Variants in MST1R observed in about 807,000 individuals in gnomAD.
MST1R encodes macrophage-stimulating protein receptor.
Under a neutral mutation model 117.8 loss-of-function variants are expected in MST1R, and 99 were observed. The observed-to-expected ratio is 0.84, with a 90% CI of 0.71 to 0.99. The LOEUF (loss-of-function observed/expected upper bound fraction) is 0.99, where lower values mean the gene tolerates loss of function less well. MST1R is among the 50% of genes least tolerant of loss of function. MST1R has a pLI of 0.00. For missense variants in MST1R, 1,683 were observed against 1,840.2 expected, an observed-to-expected ratio of 0.91 and a Z score of 1.56; for synonymous variants, 734 against 765.3, an observed-to-expected ratio of 0.96 and a Z score of 0.68.
At chr3:49,897,977 G>C in intron 5 of MST1R, 74 bp downstream of exon 5, 1 of 1,601,950 alleles carries the variant, frequency 6.2e-7, no homozygotes, top group Non-Finnish European at 8.5e-7. Flanking sequence ...GATAAGCAGA[G>C]AACAGGGTCT....
chr3:49,897,011 T>C (rs761139071), intron 7 of MST1R, 121 bp from the exon 8 acceptor site: 2 of 1,266,936 alleles, frequency 1.6e-6, no homozygotes, highest in Non-Finnish European at 2.1e-6. Flanking sequence ...CCCCACTCCA[T>C]GGTCTGTCTG....
Position 49,902,950 on chromosome 3 carries a change from A to ATT in MST1R, c.659_660insAA (p.Leu221IlefsTer43), listed in dbSNP as rs758191251. On this transcript the variant is annotated frameshift_variant, in exon 1 of 20. Coordinates refer to ENST00000296474, the MANE Select transcript of MST1R (RefSeq NM_002447.4). LOFTEE classifies it high-confidence loss of function. ...CGAATCCCGAGGCGTCAGCCTTGAG[A>ATT]CGCCTGATAGACACTGAGCGTGGGC... 4.6e-5 allele frequency: 75 copies of ATT among 1,613,314 alleles called. No individual in the cohort carries two copies. The highest frequency in any genetic ancestry group is 4.6e-4 in the South Asian group (42 of 91,092).
chr3:49,889,637 C>T (rs1330214167), intron 19 of MST1R, among the ~76,000 whole-genome samples: 2 of 152,094 alleles, frequency 1.3e-5, no homozygotes, highest in Admixed American at 6.6e-5. Flanking sequence ...AAGCAGACCC[C>T]GTTAGTGGGA....
intron 4 of MST1R, 132 bp from the exon 5 acceptor site, chr3:49,898,343 G>T: frequency 1.4e-6 from 2 of 1,392,430 alleles, no homozygotes; most frequent in Non-Finnish European, 2.0e-6. Flanking sequence ...TTGCATTCAA[G>T]CACTTTCCTG....
chr3:49,894,514 G>A (rs1233628147), intron 14 of MST1R, among the ~76,000 whole-genome samples: 1 of 152,068 alleles, frequency 6.6e-6, no homozygotes, highest in Admixed American at 6.6e-5. Context: ...GCTGCAGTGA[G>A]CCATGATTGT....
Position 49,903,691 on chromosome 3 carries a change from G to C in MST1R, c.-82C>G. The C allele has an allele frequency of 6.7e-7, 1 of 1,494,090 alleles. No individual in the cohort carries two copies. The highest frequency in any genetic ancestry group is 1.3e-5 in the South Asian group (1 of 74,396). 92.6% of individuals were successfully genotyped at this position (1,494,090 alleles called of 1,614,324 possible). A position where few individuals can be genotyped will look rare whatever the true frequency, so the allele number is the denominator to read the frequency against. ...GGGCCTGGCTGGGGGCCCGACTCGAGGTCTGGACTGGGCCAAATTTAAGCA... is the reference window on the plus strand; with the variant it reads ...GGGCCTGGCTGGGGGCCCGACTCGACGTCTGGACTGGGCCAAATTTAAGCA... On this transcript the variant is annotated 5_prime_UTR_variant, in exon 1 of 20. Transcript: ENST00000296474.
At position 49,895,495 on chromosome 3, in the gene MST1R, T is replaced by C. The variant is rs753644086; in HGVS notation, c.3016A>G (p.Thr1006Ala). 6.2e-7 allele frequency: 1 copy of C among 1,614,072 alleles called. No individual in the cohort carries two copies. The highest frequency in any genetic ancestry group is 1.1e-5 in the South Asian group (1 of 91,076). Residue 1006 changes from threonine (T) to alanine (A), a missense_variant, in exon 13 of 20, where the codon ACA (threonine) becomes GCA (alanine). Transcript: ENST00000296474. ...CCCGAGTACAGAATAGGCAGGGGTG[T>C]GGCTCCAGCAGTCTGGTCCAGGGAT... ...LASLDQTAGA[T>A]PLPILYSGSD...
chr3:49,891,899 A>G (rs978791573), intron 14 of MST1R, 61 bp from the exon 15 acceptor site: 5 of 1,427,980 alleles, frequency 3.5e-6, no homozygotes, highest in Non-Finnish European at 4.9e-6. Flanking sequence ...CTCACACCAC[A>G]CATTCTCATT....
intron 5 of MST1R, 45 bp downstream of exon 5, chr3:49,898,006 T>C (rs1191817727): frequency 1.2e-6 from 2 of 1,611,530 alleles, no homozygotes; most frequent in Non-Finnish European, 1.7e-6. Context: ...AGGGGCTGCT[T>C]GGTTTCCCCC....
Position 49,887,287 on chromosome 3 carries a change from G to C in MST1R, c.*20C>G, listed in dbSNP as rs1181318590. On this transcript the variant is annotated 3_prime_UTR_variant, in exon 20 of 20. Transcript: ENST00000296474. The stretch of plus-strand genomic sequence containing the variant: ...GGGGTTAGCTCAAGGCAGCTAAGCA[G>C]GTCCAGCCCAAGAACTAAGTCAAGT... The C allele has an allele frequency of 1.2e-6, 2 of 1,613,072 alleles. No homozygotes were observed. Among genetic ancestry groups the C allele is most frequent in the Admixed American group, 1.7e-5 (1 of 60,024 alleles).
rs892602919 is a variant in MST1R, at chr3:49,898,395, C to A, written c.1719+123G>T. On this transcript the variant is annotated intron_variant, in intron 4 of 19. Coordinates refer to ENST00000296474, the MANE Select transcript of MST1R (RefSeq NM_002447.4). ...TGTGGCATCCCCTCTGACAAGAATG[C>A]CCTCCTTGTAGATATGAAGGACACC... 5 of 1,384,710 alleles carry A rather than the reference C, an allele frequency of 3.6e-6. No individual in the cohort carries two copies. In the East Asian group the frequency reaches 7.1e-5, roughly 20 times the overall value. 85.8% of individuals were successfully genotyped at this position (1,384,710 alleles called of 1,614,324 possible). A position where few individuals can be genotyped will look rare whatever the true frequency, so the allele number is the denominator to read the frequency against.
chr3:49,896,753 C>T lies in MST1R; in HGVS notation c.2321G>A (p.Ser774Asn). Residue 774 changes from serine (S) to asparagine (N), a missense_variant, in exon 8 of 20, where the codon AGC becomes AAC. Transcript: ENST00000296474. ...FQYREDPVVL[S>N]ISPNCGYINS... Reference sequence around the variant, plus strand: ...CATGTAGCCACAGTTGGGGCTGATGCTTAGCACGACAGGGTCTTCTCTGTA... The same window carrying T: ...CATGTAGCCACAGTTGGGGCTGATGTTTAGCACGACAGGGTCTTCTCTGTA... The T allele has an allele frequency of 6.3e-7, 1 of 1,586,016 alleles. No individual in the cohort carries two copies.
In MST1R at chr3:49,902,869, A is replaced by C; in HGVS notation, c.741T>G (p.Ile247Met). The C allele has an allele frequency of 6.2e-7, 1 of 1,613,608 alleles. No individual in the cohort carries two copies. Among genetic ancestry groups the C allele is most frequent in the South Asian group, 1.1e-5 (1 of 91,090 alleles). The change falls in exon 1 of 20, where the codon ATT becomes ATG. Residue 247 changes from isoleucine to methionine, a missense_variant. Transcript: ENST00000296474. ...VLPKHLVSYSIEYVHSFHTGA... is the reference protein window; with the variant it reads ...VLPKHLVSYSMEYVHSFHTGA... ...CCGTGTGGAAGCTGTGCACGTATTC[A>C]ATACTGTAGGAGACAAGATGCTTGG...
In MST1R at chr3:49,891,570, C is replaced by G; in HGVS notation, c.3363G>C (p.Glu1121Asp). The change falls in exon 16 of 20, where the codon GAG becomes GAC. Residue 1121 changes from glutamate to aspartate, a missense_variant. By Grantham distance (45) the Glu-to-Asp change is conservative. Coordinates refer to ENST00000296474, the MANE Select transcript of MST1R (RefSeq NM_002447.4). ...CAIKSLSRIT[E>D]MQQVEAFLRE... ...GCAGGAAGGCCTCCACCTGCTGCAT[C>G]TCTGTGATGCCTGCAGAGCAGCGCA... The G allele has an allele frequency of 6.2e-7, 1 of 1,613,880 alleles. No homozygotes were observed. The highest frequency in any genetic ancestry group is 8.5e-7 in the Non-Finnish European group (1 of 1,180,014).
chr3:49,901,922 C>CGTGGTG (rs948267520), intron 1 of MST1R, among the ~76,000 whole-genome samples: 10 of 44,864 alleles, frequency 2.2e-4, no homozygotes, highest in South Asian at 8.4e-4. Flanking sequence ...TGTATTTGTG[C>CGTGGTG]GTGGTGGTGG....
chr3:49,896,213 C>G lies in MST1R; in HGVS notation c.2631G>C (p.Glu877Asp). ...SANLVPLKPE[E>D]HAIKFEYIGL... ...CACTTACCTCAAACTTAATGGCATG[C>G]TCCTCAGGCTTCAGTGGAACTAGGT... Residue 877 changes from glutamate (E) to aspartate (D), a missense_variant, in exon 10 of 20, where the codon GAG becomes GAC. Physicochemically the swap from Glu to Asp is conservative, Grantham distance 45. Transcript: ENST00000296474. 6.2e-7 allele frequency: 1 copy of G among 1,614,194 alleles called. No individual in the cohort carries two copies. The highest frequency in any genetic ancestry group is 8.5e-7 in the Non-Finnish European group (1 of 1,180,028).
Position 49,898,517 on chromosome 3 carries a change from C to T in MST1R, c.1719+1G>A, listed in dbSNP as rs778110300. The T allele has an allele frequency of 1.9e-6, 3 of 1,613,296 alleles. No individual in the cohort carries two copies. Among genetic ancestry groups the T allele is most frequent in the Admixed American group, 1.7e-5 (1 of 59,958 alleles). On this transcript the variant is annotated splice_donor_variant, in intron 4 of 19. Transcript: ENST00000296474. LOFTEE classifies it high-confidence loss of function. ...CCTGTGCCCTGCCAGGGAAGCCATACCTCAGTAAGCTTAGGTGGGCAGTGG... is the reference window on the plus strand; with the variant it reads ...CCTGTGCCCTGCCAGGGAAGCCATATCTCAGTAAGCTTAGGTGGGCAGTGG...
At chr3:49,891,621 T>C (rs749267310) in intron 15 of MST1R, 41 bp from the exon 16 acceptor site, 2 of 1,611,694 alleles carry the variant, frequency 1.2e-6, no homozygotes, top group Non-Finnish European at 1.7e-6. Flanking sequence ...AGGGCGTCCC[T>C]TTATAAGGCT....
rs1232451925 is a variant in MST1R at position 49,896,595 on chromosome 3, G to C, written c.2384C>G (p.Ser795Ter). The C allele has an allele frequency of 1.9e-6, 3 of 1,614,072 alleles. No individual in the cohort carries two copies. The highest frequency in any genetic ancestry group is 2.7e-5 in the African/African-American group (2 of 74,932). Reference sequence around the variant, plus strand: ...GAATGACAGCACTAAGTGCCATGCTGAAGTTAGATGCTGGCCACAGATGGT... The same window carrying C: ...GAATGACAGCACTAAGTGCCATGCTCAAGTTAGATGCTGGCCACAGATGGT... ...HITICGQHLT[S>*]AWHLVLSFHD... Residue 795 changes from serine to a stop codon, truncating the protein, a stop_gained, in exon 9 of 20, where the codon TCA (serine) becomes TGA (stop). Coordinates refer to ENST00000296474, the MANE Select transcript of MST1R (RefSeq NM_002447.4). LOFTEE classifies it high-confidence loss of function.
Sources: allele counts gnomAD v4.1 joint callset (sites outside exome capture counted in the v4.1 genomes callset), GRCh38; gene constraint gnomAD v4.1.1; transcripts MANE v1.5; gene names NCBI Gene and HGNC (gene_info 2026-07-23, HGNC 2026-07-21).